NELL1: variants seen among roughly 807,000 people sequenced by gnomAD.
NELL1 encodes protein kinase C-binding protein NELL1.
NELL1 carries 76 observed loss-of-function variants against 107.4 expected under a neutral mutation model. That is an observed-to-expected ratio of 0.71 (90% CI 0.59 to 0.86). The LOEUF (loss-of-function observed/expected upper bound fraction) is 0.86, where lower values mean the gene tolerates loss of function less well. Among genes scored for constraint, NELL1 ranks in the 40% least tolerant of loss-of-function variants. The pLI, the probability that NELL1 is intolerant of heterozygous loss-of-function variation, is 0.00. For missense variants in NELL1, 1,024 were observed against 1,005.5 expected, an observed-to-expected ratio of 1.02 and a Z score of -0.25; for synonymous variants, 353 against 341.2, an observed-to-expected ratio of 1.03 and a Z score of -0.38.
At chr11:21,245,152 AT>A (rs983938849) in intron 14 of NELL1, among the ~76,000 whole-genome samples, 24 of 152,222 alleles carry the variant, frequency 1.6e-4, no homozygotes, top group Admixed American at 1.5e-3. Context: ...CTGTAGCCTC[AT>A]TTCCTTTTCC....
At chr11:21,291,965 A>G (rs991154999) in intron 14 of NELL1, among the ~76,000 whole-genome samples, 2 of 152,238 alleles carry the variant, frequency 1.3e-5, no homozygotes, top group African/African-American at 2.4e-5. Flanking sequence ...CCCACAGCCA[A>G]TATCATACCG....
intron 13 of NELL1, among the ~76,000 whole-genome samples, chr11:21,179,862 C>CTTTTTTTTTTTTTTTTT (rs1164420669): frequency 4.0e-5 from 3 of 75,710 alleles, no homozygotes; most frequent in African/African-American, 1.1e-4. Flanking sequence ...AATCAACACA[C>CTTTTTTTTTTTTTTTTT]TTTTTTTTTT....
At chr11:21,574,703 G>T (rs1227930638) in intron 19 of NELL1, among the ~76,000 whole-genome samples, 1 of 151,768 alleles carries the variant, frequency 6.6e-6, no homozygotes, top group Non-Finnish European at 1.5e-5. Flanking sequence ...TCCCAGGGAG[G>T]CCTCCCAAGC....
At chr11:21,339,422 T>A (rs1402565463) in intron 14 of NELL1, among the ~76,000 whole-genome samples, 1 of 152,214 alleles carries the variant, frequency 6.6e-6, no homozygotes, top group African/African-American at 2.4e-5. Flanking sequence ...GATTTCAGAC[T>A]TCAGCCTATA....
At position 21,500,440 on chromosome 11, in the gene NELL1, A is replaced by C. The variant is rs76392150; in HGVS notation, c.1646-33934A>C. On this transcript the variant is annotated intron_variant, in intron 15 of 19. Transcript: ENST00000357134. ...AATGATTATGTACCTCCAGGTTGTT[A>C]GCTCTCCGTGCAAGATGTGAGCTTG... is the stretch of plus-strand genomic sequence containing the variant. 0.017 allele frequency among the ~76,000 whole-genome samples: 2,533 copies of C among 152,200 alleles called. 191 individuals carry two copies. In the East Asian group the frequency reaches 0.26, roughly 16 times the overall value.
chr11:21,411,921 A>G (rs1048561332), intron 15 of NELL1, among the ~76,000 whole-genome samples: 28 of 152,044 alleles, frequency 1.8e-4, no homozygotes, highest in African/African-American at 6.8e-4. Flanking sequence ...ACCTTGCTGA[A>G]TGATTTGGAG....
intron 14 of NELL1, among the ~76,000 whole-genome samples, chr11:21,365,519 A>G (rs1851199665): frequency 6.6e-6 from 1 of 152,188 alleles, no homozygotes. Context: ...TAAGTTTTCA[A>G]CAAACAGAAT....
chr11:21,514,920 G>A (rs1002594425), intron 15 of NELL1, among the ~76,000 whole-genome samples: 3 of 152,148 alleles, frequency 2.0e-5, no homozygotes, highest in African/African-American at 7.2e-5. Context: ...AGTTGGGTGG[G>A]GTAGGTGATA....
In NELL1 at chr11:21,131,210, A is replaced by G. The variant is rs535473865; in HGVS notation, c.1426+17496A>G. Among the ~76,000 whole-genome samples the G allele has an allele frequency of 3.9e-5, 6 of 152,310 alleles. No individual in the cohort carries two copies. In the South Asian group the frequency reaches 1.0e-3, roughly 26 times the overall value. ...TCTCTAATATGAGGATAATAATAAT[A>G]ATGATTTAATTTATATTATCTATAA... On this transcript the variant is annotated intron_variant, in intron 13 of 19. Coordinates refer to ENST00000357134, the MANE Select transcript of NELL1 (RefSeq NM_006157.5).
At chr11:20,771,728 C>T (rs763848548) in intron 2 of NELL1, among the ~76,000 whole-genome samples, 15 of 152,298 alleles carry the variant, frequency 9.8e-5, no homozygotes, top group Admixed American at 2.6e-4. Flanking sequence ...TTAATACAAG[C>T]TTATTCAGAA....
chr11:21,287,238 T>TC (rs2133954841), intron 14 of NELL1, among the ~76,000 whole-genome samples: 1 of 152,320 alleles, frequency 6.6e-6, no homozygotes, highest in South Asian at 2.1e-4. Flanking sequence ...CTCTTTTTTT[T>TC]CACCAACACC....
chr11:21,330,903 T>C (rs190577095), intron 14 of NELL1, among the ~76,000 whole-genome samples: 204 of 152,222 alleles, frequency 1.3e-3, no homozygotes, highest in African/African-American at 4.7e-3. Flanking sequence ...TTTTAAAATT[T>C]TTCTTCATTG....
intron 12 of NELL1, among the ~76,000 whole-genome samples, chr11:21,050,806 C>G (rs1209756591): frequency 6.6e-6 from 1 of 152,094 alleles, no homozygotes; most frequent in Non-Finnish European, 1.5e-5. Flanking sequence ...GATTCTGATA[C>G]TCTGTAATTC....
chr11:20,887,889 A>T (rs1849541669), intron 5 of NELL1, among the ~76,000 whole-genome samples: 1 of 152,234 alleles, frequency 6.6e-6, no homozygotes, highest in Non-Finnish European at 1.5e-5. Flanking sequence ...GCCATCACGA[A>T]TGACAGTGGA....
At chr11:21,061,303 C>G (rs570042607) in intron 12 of NELL1, among the ~76,000 whole-genome samples, 2 of 152,170 alleles carry the variant, frequency 1.3e-5, no homozygotes, top group African/African-American at 4.8e-5. Flanking sequence ...CTAAATCAAC[C>G]AGAATAATGA....
intron 3 of NELL1, among the ~76,000 whole-genome samples, chr11:20,840,763 G>A (rs1027918454): frequency 3.3e-5 from 5 of 152,226 alleles, no homozygotes; most frequent in Non-Finnish European, 1.5e-5. Flanking sequence ...GGTTCAAGGG[G>A]AGGAGACACA....
At chr11:21,416,686 A>C (rs1852527431) in intron 15 of NELL1, among the ~76,000 whole-genome samples, 1 of 152,096 alleles carries the variant, frequency 6.6e-6, no homozygotes, top group Non-Finnish European at 1.5e-5. Context: ...AACACATGTA[A>C]CAGCAATTGG....
chr11:21,504,321 C>A (rs1319594241), intron 15 of NELL1: 1 of 152,166 alleles, frequency 6.6e-6, no homozygotes, highest in Non-Finnish European at 1.5e-5. Flanking sequence ...CGTTCATTAT[C>A]TCATTTGATC....
chr11:20,707,698 G>A (rs912612465), intron 2 of NELL1, among the ~76,000 whole-genome samples: 4 of 152,308 alleles, frequency 2.6e-5, no homozygotes, highest in East Asian at 1.9e-4. Flanking sequence ...ATTGCAGAAC[G>A]GCAGATGTTG....
Sources: gnomAD v4.1 joint callset for allele counts (sites outside exome capture counted in the v4.1 genomes callset) on GRCh38, gnomAD v4.1.1 for gene constraint, MANE v1.5 for transcripts, NCBI Gene and HGNC (gene_info 2026-07-23, HGNC 2026-07-21) for gene names.